The following HNRNPL variants were observed in gnomAD, a reference collection of about 807,000 sequenced individuals.
HNRNPL encodes epididymis secretory sperm binding protein.
A neutral mutation model predicts 64.0 loss-of-function variants in HNRNPL; 12 were observed. The ratio of observed to expected loss-of-function variants is 0.19; its 90% CI spans 0.12 to 0.30. The LOEUF (loss-of-function observed/expected upper bound fraction) is 0.30, where lower values mean the gene tolerates loss of function less well. Ranked by LOEUF, HNRNPL falls within the 10% of genes least tolerant of loss-of-function variation. The pLI is 1.00. For synonymous variants in HNRNPL, 385 were observed against 313.0 expected (o/e 1.23, Z -2.43); for missense variants, 484 against 797.4 (o/e 0.61, Z 4.73).
intron 4 of HNRNPL, chr19:38,844,697 TCA>T (rs1482147682): frequency 2.0e-5 from 3 of 148,128 alleles, no homozygotes. Flanking sequence ...TCAGCAACCT[TCA>T]CACATGCCCC....
At chr19:38,851,805 G>A (rs1189392174), upstream of HNRNPL, among the ~76,000 whole-genome samples, 1 of 152,170 alleles carries the variant, frequency 6.6e-6, no homozygotes, top group Non-Finnish European at 1.5e-5. Flanking sequence ...GACAGGCCTG[G>A]TGGCTCTGCC....
At chr19:38,843,812 T>A (rs1720166841) in intron 6 of HNRNPL, 30 bp downstream of exon 6, 2 of 1,576,026 alleles carry the variant, frequency 1.3e-6, no homozygotes, top group South Asian at 2.2e-5. Context: ...AAGGCGGGTA[T>A]GTTTAGAACA....
chr19:38,844,175 A>T, intron 4 of HNRNPL, 71 bp from the exon 5 acceptor site: 1 of 975,608 alleles, frequency 1.0e-6, no homozygotes. Context: ...CCAGAGTGTG[A>T]TAAGGACAAG....
Position 38,845,856 on chromosome 19 carries a change from G to T in HNRNPL, c.621C>A (p.Thr207=). ...FTILNPIYSI[T]TDVLYTICNP... is the part of the protein sequence containing the mutation. ...AGAAATGCCTGCTGGCACGTACCGTGGTGATCGAATAAATGGGGTTCAGGA... is the reference window on the plus strand; with the variant it reads ...AGAAATGCCTGCTGGCACGTACCGTTGTGATCGAATAAATGGGGTTCAGGA... The change falls in exon 3 of 13, where the codon ACC becomes ACA. Residue 207 remains threonine, a synonymous_variant. Transcript: ENST00000221419. 2 of 1,612,986 alleles carry T rather than the reference G, an allele frequency of 1.2e-6. No homozygotes were observed. The highest frequency in any genetic ancestry group is 1.7e-6 in the Non-Finnish European group (2 of 1,178,908).
At chr19:38,846,124 G>A (rs753553265) in intron 2 of HNRNPL, 34 bp from the exon 3 acceptor site, 2 of 1,483,456 alleles carry the variant, frequency 1.3e-6, no homozygotes, top group Non-Finnish European at 1.9e-6. Context: ...AATCCTCTCA[G>A]GAAAATGTAG....
chr19:38,843,549 C>G (rs534728055), intron 6 of HNRNPL: 1 of 424,358 alleles, frequency 2.4e-6, no homozygotes, highest in African/African-American at 2.0e-5. Context: ...CTGCTGGTTT[C>G]TAAGGCCGCC....
chr19:38,848,086 G>A (rs1033613723), intron 1 of HNRNPL, among the ~76,000 whole-genome samples: 3 of 151,218 alleles, frequency 2.0e-5, no homozygotes, highest in East Asian at 1.9e-4. Context: ...AACCAGACAA[G>A]AAAAGTCTTT....
chr19:38,847,443 G>C lies in HNRNPL; in HGVS notation c.268-9C>G. On this transcript the variant is annotated splice_polypyrimidine_tract_variant and intron_variant, in intron 1 of 12. Coordinates refer to ENST00000221419, the MANE Select transcript of HNRNPL (RefSeq NM_001533.3). ...GGGTCATCGTAGTTCTCCTGAGAAAGGAAGCAAAAACAAGAATTATTTTCT... is the reference window on the plus strand; with the variant it reads ...GGGTCATCGTAGTTCTCCTGAGAAACGAAGCAAAAACAAGAATTATTTTCT... 6.8e-7 allele frequency: 1 copy of C among 1,469,432 alleles called. No individual in the cohort carries two copies. The highest frequency in any genetic ancestry group is 9.1e-7 in the Non-Finnish European group (1 of 1,096,508). The allele number at this position is 1,469,432 out of a possible 1,614,324, so 91.0% of individuals were successfully genotyped here.
At chr19:38,850,340 A>C, upstream of HNRNPL, 1 of 211,458 alleles carries the variant, frequency 4.7e-6, no homozygotes, top group Non-Finnish European at 9.4e-6. Flanking sequence ...CTCCTCGCTA[A>C]TCCGTCAGCA....
At position 38,846,065 on chromosome 19, in the gene HNRNPL, T is replaced by C; in HGVS notation, c.412A>G (p.Arg138Gly). The stretch of plus-strand genomic sequence containing the variant: ...TCTTCAAACTCCACCAGTGCTTGTC[T>C]CTTTTTAGGCATTACCACCACATAG... ...ISYVVVMPKK[R>G]QALVEFEDVL... Residue 138 changes from arginine (R) to glycine (G), a missense_variant, in exon 3 of 13, where the codon AGA becomes GGA. Around this residue, in one of 9 missense-constraint regions of HNRNPL, gnomAD observed 23 missense variants for 70.8 expected, o/e 0.32. Coordinates refer to ENST00000221419, the MANE Select transcript of HNRNPL (RefSeq NM_001533.3). 1 of 1,614,024 alleles carries C rather than the reference T, an allele frequency of 6.2e-7. No individual in the cohort carries two copies. The highest frequency in any genetic ancestry group is 8.5e-7 in the Non-Finnish European group (1 of 1,179,882).
At chr19:38,837,021 G>GGCCTCTCT (rs1971951652) in intron 12 of HNRNPL, 1 of 544,700 alleles carries the variant, frequency 1.8e-6, no homozygotes, top group Non-Finnish European at 3.3e-6. Flanking sequence ...CAAGGCAATG[G>GGCCTCTCT]GCCTCTCCCA....
chr19:38,837,212 C>A lies in HNRNPL; in HGVS notation c.1711+172G>T. 4.8e-6 allele frequency: 3 copies of A among 620,056 alleles called. No individual in the cohort carries two copies. The South Asian group carries it at 5.8e-5, about 12-fold the overall frequency. 38.4% of individuals were successfully genotyped at this position (620,056 alleles called of 1,614,324 possible). ...GGCAGCAGGCAGTCAGGCTGGCTCT[C>A]CCAAGAGGAGCACAGGCTGCTCTCC... On this transcript the variant is annotated intron_variant, in intron 12 of 12. Transcript: ENST00000221419.
intron 8 of HNRNPL, 111 bp downstream of exon 8, chr19:38,839,985 T>A: frequency 1.0e-6 from 1 of 981,084 alleles, no homozygotes; most frequent in Non-Finnish European, 1.6e-6. Context: ...GAGTCACTCA[T>A]TGGCGTCTGC....
In HNRNPL at chr19:38,838,387, C is replaced by T. The variant is rs778638612; in HGVS notation, c.1557+10G>A. 1.3e-5 allele frequency: 21 copies of T among 1,601,700 alleles called. No individual in the cohort carries two copies. Among genetic ancestry groups the T allele is most frequent in the East Asian group, 6.7e-5 (3 of 44,584 alleles). On this transcript the variant is annotated intron_variant, in intron 10 of 12. Coordinates refer to ENST00000221419, the MANE Select transcript of HNRNPL (RefSeq NM_001533.3). ...GGACCCGACTGCCTGCGCAGCTCCA[C>T]GGCACACACCTCAAAGAAGTTCTCC...
chr19:38,836,418 G>C lies in HNRNPL; in HGVS notation c.*304C>G. The C allele has an allele frequency of 4.1e-6, 1 of 243,060 alleles. No individual in the cohort carries two copies. The highest frequency in any genetic ancestry group is 8.0e-6 in the Non-Finnish European group (1 of 124,384). The allele number at this position is 243,060 out of a possible 1,614,324, so 15.1% of individuals were successfully genotyped here. ...TGTTTATTTTCCAAACAATTTTATT[G>C]AAATGTGCCAAGAGTACATGGGCAG... On this transcript the variant is annotated 3_prime_UTR_variant, in exon 13 of 13. Transcript: ENST00000221419.
Position 38,849,762 on chromosome 19 carries a change from G to C in HNRNPL, c.205C>G (p.Gln69Glu). The change falls in exon 1 of 13, where the codon CAG becomes GAG. Residue 69 changes from glutamine (Q) to glutamate (E), a missense_variant. Physicochemically the swap from Gln to Glu is conservative, Grantham distance 29. Around this residue, in one of 9 missense-constraint regions of HNRNPL, gnomAD observed 190 missense variants for 160.1 expected, o/e 1.19. Coordinates refer to ENST00000221419, the MANE Select transcript of HNRNPL (RefSeq NM_001533.3). ...KRLKTDNAGD[Q>E]HGGGGGGGGG... ...CCGCCACCGCCGCCGCCTCCGTGCT[G>C]GTCGCCGGCGTTGTCAGTCTTGAGC... 1.4e-6 allele frequency: 2 copies of C among 1,419,194 alleles called. No homozygotes were observed. The highest frequency in any genetic ancestry group is 2.7e-5 in the South Asian group (2 of 73,648). The allele number at this position is 1,419,194 out of a possible 1,614,324, so 87.9% of individuals were successfully genotyped here.
chr19:38,849,981 C>A lies in HNRNPL; in HGVS notation c.-15G>T. 1 of 1,321,022 alleles carries A rather than the reference C, an allele frequency of 7.6e-7. No individual in the cohort carries two copies. Among genetic ancestry groups the A allele is most frequent in the South Asian group, 1.9e-5 (1 of 53,214 alleles). 81.8% of individuals were successfully genotyped at this position (1,321,022 alleles called of 1,614,324 possible). A position where few individuals can be genotyped will look rare whatever the true frequency, so the allele number is the denominator to read the frequency against. On this transcript the variant is annotated 5_prime_UTR_variant, in exon 1 of 13. Coordinates refer to ENST00000221419, the MANE Select transcript of HNRNPL (RefSeq NM_001533.3). The stretch of plus-strand genomic sequence containing the variant: ...CTCCGCGACATGGCGGCGCAGAACC[C>A]GCCTCCCCCCGCCTCTCATTGGGGG...
intron 10 of HNRNPL, 82 bp downstream of exon 10, chr19:38,838,315 T>G: frequency 8.5e-7 from 1 of 1,180,800 alleles, no homozygotes; most frequent in East Asian, 2.4e-5. Context: ...CAACAGCTAT[T>G]TGCAGAAAAG....
chr19:38,848,111 G>A (rs542818825), intron 1 of HNRNPL, among the ~76,000 whole-genome samples: 52 of 152,286 alleles, frequency 3.4e-4, no homozygotes, highest in African/African-American at 1.2e-3. Flanking sequence ...TATTTTTTGA[G>A]ATGGAGTCTC....
Sources: gnomAD v4.1 joint callset for allele counts (sites outside exome capture counted in the v4.1 genomes callset) on GRCh38, gnomAD v4.1.1 for gene constraint, gnomAD v4.1.1 regional missense constraint, MANE v1.5 for transcripts, NCBI Gene and HGNC (gene_info 2026-07-23, HGNC 2026-07-21) for gene names.